Variants in CFAP100 observed in about 807,000 individuals in gnomAD.
CFAP100 encodes cilia- and flagella-associated protein 100.
Under a neutral mutation model 81.5 loss-of-function variants are expected in CFAP100, and 70 were observed. The ratio of observed to expected loss-of-function variants is 0.86; its 90% confidence interval spans 0.71 to 1.05. The LOEUF (loss-of-function observed/expected upper bound fraction) is 1.05, where lower values mean the gene tolerates loss of function less well. Ranked by LOEUF, CFAP100 falls within the 50% of genes least tolerant of loss-of-function variation. CFAP100 has a pLI of 0.00. For synonymous variants in CFAP100, 341 were observed against 314.8 expected, an observed-to-expected ratio of 1.08 and a Z score of -0.88; for missense variants, 811 against 776.5, an observed-to-expected ratio of 1.04 and a Z score of -0.53.
At chr3:126,427,059 T>C (rs1157803093) in intron 13 of CFAP100, among the ~76,000 whole-genome samples, 1 of 152,232 alleles carries the variant, frequency 6.6e-6, no homozygotes, top group Non-Finnish European at 1.5e-5. Context: ...AGGCTCAGTA[T>C]TGTCAAGATG....
At chr3:126,422,930 T>C (rs2083355186) in intron 11 of CFAP100, among the ~76,000 whole-genome samples, 4 of 152,022 alleles carry the variant, frequency 2.6e-5, no homozygotes, top group Admixed American at 2.6e-4. Flanking sequence ...GCAGAGGGGC[T>C]GGGGAAGGGG....
chr3:126,435,038 G>C (rs1302084087), intron 15 of CFAP100, among the ~76,000 whole-genome samples: 1 of 152,162 alleles, frequency 6.6e-6, no homozygotes, highest in Non-Finnish European at 1.5e-5. Flanking sequence ...GCAGGGCTCT[G>C]AGACAGCGCA....
At chr3:126,425,451 TGG>T (rs1047540046) in intron 13 of CFAP100, among the ~76,000 whole-genome samples, 5 of 152,236 alleles carry the variant, frequency 3.3e-5, no homozygotes, top group Admixed American at 1.3e-4. Context: ...CAGGCTCAGA[TGG>T]GTTTGCTGGT....
At position 126,417,055 on chromosome 3, in the gene CFAP100, G is replaced by A. The variant is rs369892611; in HGVS notation, c.418+547G>A. The stretch of plus-strand genomic sequence containing the variant: ...GCTGCTGTATTGCGTGATTCGGAAG[G>A]TGGGCAGTGTACAGTGGGCGCAGGC... On this transcript the variant is annotated intron_variant, in intron 5 of 16. Coordinates refer to ENST00000352312, the MANE Select transcript of CFAP100 (RefSeq NM_182628.3). Among the ~76,000 whole-genome samples the A allele has an allele frequency of 9.2e-5, 14 of 152,316 alleles. No homozygotes were observed. The East Asian group carries it at 1.7e-3, about 19-fold the overall frequency.
At chr3:126,413,959 AG>A (rs11336108) in intron 3 of CFAP100, 125 bp from the exon 4 acceptor site, 247,128 of 726,894 alleles carry the variant, frequency 0.34, 43,627 homozygotes, top group East Asian at 0.48. Context: ...AGCTGGATCC[AG>A]GGGGAACCTT....
At chr3:126,427,317 GGAATA>G (rs1372549437) in intron 13 of CFAP100, among the ~76,000 whole-genome samples, 19 of 152,266 alleles carry the variant, frequency 1.2e-4, no homozygotes, top group African/African-American at 4.3e-4. Context: ...ATAGATAATT[GGAATA>G]GAATAGAGAG....
At chr3:126,413,112 G>C (rs1253547215) in intron 3 of CFAP100, among the ~76,000 whole-genome samples, 2 of 152,256 alleles carry the variant, frequency 1.3e-5, no homozygotes, top group African/African-American at 4.8e-5. Flanking sequence ...TGCCCTGGTT[G>C]AGTTGCTAGA....
At chr3:126,434,426 CCT>C (rs1464019686) in intron 15 of CFAP100, 45 bp downstream of exon 15, 1 of 1,577,028 alleles carries the variant, frequency 6.3e-7, no homozygotes, top group African/African-American at 1.3e-5. Context: ...CCTGGCTGGC[CCT>C]GAGGGCAGAG....
Position 126,418,449 on chromosome 3 carries a change from TTCCA to T in CFAP100, c.419-8_419-5del, listed in dbSNP as rs2083275899. ...CCCGCTCCTGCTCACCTCCCTCTTC[TTCCA>T]GCAGAAAAGAATGTGGAGCCTGAGA... On this transcript the variant is annotated splice_region_variant and splice_polypyrimidine_tract_variant and intron_variant, in intron 5 of 16. Transcript: ENST00000352312. 1.2e-6 allele frequency: 2 copies of T among 1,613,866 alleles called. No homozygotes were observed. The highest frequency in any genetic ancestry group is 1.7e-6 in the Non-Finnish European group (2 of 1,179,986).
intron 2 of CFAP100, among the ~76,000 whole-genome samples, chr3:126,406,259 C>T (rs1576620449): frequency 1.3e-5 from 2 of 152,298 alleles, no homozygotes; most frequent in Non-Finnish European, 2.9e-5. Context: ...ATCTTCCTCA[C>T]TCTTCCCTCA....
intron 1 of CFAP100, 60 bp from the exon 2 acceptor site, chr3:126,395,882 A>G: frequency 1.2e-6 from 1 of 845,172 alleles, no homozygotes; most frequent in East Asian, 2.5e-5. Context: ...TCAGCCACCC[A>G]GGGGGAAGGA....
intron 3 of CFAP100, 75 bp downstream of exon 3, chr3:126,407,327 C>T (rs1245884281): frequency 2.2e-6 from 2 of 905,596 alleles, no homozygotes; most frequent in Non-Finnish European, 3.5e-6. Flanking sequence ...CAGATCCCCT[C>T]AGACCAGGTC....
chr3:126,435,178 C>T (rs1018757095), intron 15 of CFAP100, among the ~76,000 whole-genome samples: 1 of 152,280 alleles, frequency 6.6e-6, no homozygotes, highest in African/African-American at 2.4e-5. Flanking sequence ...ACAGGACTCT[C>T]GCCCCAGGGG....
chr3:126,414,480 C>A (rs923449733), intron 4 of CFAP100: 2 of 611,780 alleles, frequency 3.3e-6, no homozygotes, highest in Non-Finnish European at 5.8e-6. Context: ...CTGCTGCCTG[C>A]GTGAAATGCC....
At chr3:126,434,926 A>G (rs1240159721) in intron 15 of CFAP100, among the ~76,000 whole-genome samples, 1 of 152,138 alleles carries the variant, frequency 6.6e-6, no homozygotes, top group Non-Finnish European at 1.5e-5. Flanking sequence ...AGGGGGGCAG[A>G]TGGGCAGCAG....
intron 11 of CFAP100, among the ~76,000 whole-genome samples, chr3:126,421,164 G>A (rs1438014524): frequency 3.3e-5 from 5 of 152,056 alleles, no homozygotes; most frequent in Non-Finnish European, 7.4e-5. Context: ...CACCACACCC[G>A]GCTAATTTTT....
intron 11 of CFAP100, among the ~76,000 whole-genome samples, 160 bp from the exon 12 acceptor site, chr3:126,423,165 G>A (rs1470740468): frequency 6.6e-6 from 1 of 152,176 alleles, no homozygotes; most frequent in Non-Finnish European, 1.5e-5. Context: ...GGCAGCTGGG[G>A]ACTGTGAGGA....
At chr3:126,411,291 T>G (rs1217051206) in intron 3 of CFAP100, among the ~76,000 whole-genome samples, 1 of 151,968 alleles carries the variant, frequency 6.6e-6, no homozygotes, top group Non-Finnish European at 1.5e-5. Flanking sequence ...AGTTAGCTAA[T>G]GTTTTGTTGA....
At chr3:126,400,663 A>C (rs1483427581) in intron 2 of CFAP100, among the ~76,000 whole-genome samples, 1 of 152,154 alleles carries the variant, frequency 6.6e-6, no homozygotes, top group East Asian at 1.9e-4. Context: ...GAGGCAGGAG[A>C]ATGGCGTGAA....
Sources: allele counts gnomAD v4.1 joint callset (sites outside exome capture counted in the v4.1 genomes callset), GRCh38; gene constraint gnomAD v4.1.1; transcripts MANE v1.5; gene names NCBI Gene and HGNC (gene_info 2026-07-23, HGNC 2026-07-21).